Variants in TRIM13 observed in about 807,000 individuals in gnomAD.
The protein encoded by TRIM13 is tripartite motif containing 13, also known as E3 ubiquitin-protein ligase TRIM13.
In TRIM13, 15 loss-of-function variants were observed where a neutral mutation model predicts 27.1. The observed-to-expected ratio is 0.55, with a 90% CI of 0.37 to 0.85. The LOEUF is 0.85. Among genes scored for constraint, TRIM13 ranks in the 40% least tolerant of loss-of-function variants. The pLI is 0.00. For synonymous variants in TRIM13, 193 were observed against 171.5 expected, an observed-to-expected ratio of 1.13 and a Z score of -0.98; for missense variants, 402 against 472.2, an observed-to-expected ratio of 0.85 and a Z score of 1.38.
chr13:50,001,293 A>AAG (rs1426320210), intron 1 of TRIM13, among the ~76,000 whole-genome samples: 1 of 148,212 alleles, frequency 6.7e-6, no homozygotes, highest in Non-Finnish European at 1.5e-5. Flanking sequence ...CTCTGTCCCA[A>AAG]AAAAAAAAAA....
rs1876234535 is a variant in TRIM13, at chr13:50,015,085, AAAAAAAAAAATATATATAT to A, written c.*1923_*1941del. 1 of 59,616 alleles carries A rather than the reference AAAAAAAAAAATATATATAT, an allele frequency of 1.7e-5. No individual in the cohort carries two copies. The highest frequency in any genetic ancestry group is 4.1e-4 in the East Asian group (1 of 2,454). 3.7% of individuals were successfully genotyped at this position (59,616 alleles called of 1,614,324 possible). ...TTCCCCTCCCAGTAATAAAAAAAAA[AAAAAAAAAAATATATATAT>A]ATATATATATATATATATATATATA... On this transcript the variant is annotated 3_prime_UTR_variant, in exon 2 of 2. Coordinates refer to ENST00000378182, the MANE Select transcript of TRIM13 (RefSeq NM_213590.3).
chr13:50,008,952 C>T (rs1328524359), intron 1 of TRIM13, among the ~76,000 whole-genome samples: 1 of 137,864 alleles, frequency 7.3e-6, no homozygotes. Context: ...GGCTTGAGTC[C>T]AAGAGGCAGA....
At position 50,015,217 on chromosome 13, in the gene TRIM13, A is replaced by G. The variant is rs1052766858; in HGVS notation, c.*2053A>G. Reference sequence around the variant, plus strand: ...CAGGAAAGGGATCTATTTGATGTCTATCTTCAGATATATTGGCAGTTTTCC... The same window carrying G: ...CAGGAAAGGGATCTATTTGATGTCTGTCTTCAGATATATTGGCAGTTTTCC... On this transcript the variant is annotated 3_prime_UTR_variant, in exon 2 of 2. Transcript: ENST00000378182. 13 of 223,168 alleles carry G rather than the reference A, an allele frequency of 5.8e-5. No homozygotes were observed. Among genetic ancestry groups the G allele is most frequent in the East Asian group, 5.5e-4 (5 of 9,054 alleles). 13.8% of individuals were successfully genotyped at this position (223,168 alleles called of 1,614,324 possible). A position where few individuals can be genotyped will look rare whatever the true frequency, so the allele number is the denominator to read the frequency against.
At chr13:50,005,593 T>G (rs1280156951) in intron 1 of TRIM13, among the ~76,000 whole-genome samples, 1 of 151,314 alleles carries the variant, frequency 6.6e-6, no homozygotes, top group African/African-American at 2.4e-5. Context: ...GAGAATCACT[T>G]GAACCCAGGA....
chr13:50,007,964 G>T (rs1019592328), intron 1 of TRIM13, among the ~76,000 whole-genome samples: 2 of 151,634 alleles, frequency 1.3e-5, no homozygotes, highest in Non-Finnish European at 2.9e-5. Flanking sequence ...GAGTGCAGTG[G>T]CGCTGTCTCG....
chr13:49,998,767 A>C, intron 1 of TRIM13, among the ~76,000 whole-genome samples: 1 of 151,954 alleles, frequency 6.6e-6, no homozygotes, highest in Non-Finnish European at 1.5e-5. Flanking sequence ...CATCTTTACT[A>C]ACAATACAAA....
At chr13:50,003,870 T>A (rs1489501458) in intron 1 of TRIM13, among the ~76,000 whole-genome samples, 1 of 152,222 alleles carries the variant, frequency 6.6e-6, no homozygotes, top group Non-Finnish European at 1.5e-5. Flanking sequence ...AACATCAATA[T>A]GGCAGGAGAA....
Position 50,017,378 on chromosome 13 carries a change from AG to A in TRIM13, c.*4215del. The A allele has an allele frequency of 6.0e-6, 1 of 167,218 alleles. No individual in the cohort carries two copies. Among genetic ancestry groups the A allele is most frequent in the African/African-American group, 2.4e-5 (1 of 41,582 alleles). The allele number at this position is 167,218 out of a possible 1,614,324, so 10.4% of individuals were successfully genotyped here. On this transcript the variant is annotated 3_prime_UTR_variant, in exon 2 of 2. Coordinates refer to ENST00000378182, the MANE Select transcript of TRIM13 (RefSeq NM_213590.3). ...CTTTAAAAACCATGCATTTGGAGAA[AG>A]TAATTGTTTCCTTGAAAAACATGAT...
rs888304393 is a variant in TRIM13 at position 50,014,578 on chromosome 13, C to G, written c.*1414C>G. ...CTAATTTGACAACAGATAAAACAGT[C>G]TGTCAGCTATTACAAAGTAATCAGC... On this transcript the variant is annotated 3_prime_UTR_variant, in exon 2 of 2. Coordinates refer to ENST00000378182, the MANE Select transcript of TRIM13 (RefSeq NM_213590.3). 6.0e-6 allele frequency: 1 copy of G among 166,610 alleles called. No homozygotes were observed. The highest frequency in any genetic ancestry group is 6.6e-5 in the Admixed American group (1 of 15,192). 10.3% of individuals were successfully genotyped at this position (166,610 alleles called of 1,614,324 possible). A position where few individuals can be genotyped will look rare whatever the true frequency, so the allele number is the denominator to read the frequency against.
At chr13:50,001,845 A>G (rs1408987698) in intron 1 of TRIM13, among the ~76,000 whole-genome samples, 1 of 152,202 alleles carries the variant, frequency 6.6e-6, no homozygotes, top group Non-Finnish European at 1.5e-5. Context: ...TGTTTTGATC[A>G]TATAAGTCAC....
chr13:50,018,434 T>C lies in TRIM13; in HGVS notation c.*5270T>C, dbSNP rs184034694. Reference sequence around the variant, plus strand: ...TGATTTGCTAATATTGAGAATCTGTTGTATCAAACATAATAAACTTTTTTT... The same window carrying C: ...TGATTTGCTAATATTGAGAATCTGTCGTATCAAACATAATAAACTTTTTTT... On this transcript the variant is annotated 3_prime_UTR_variant, in exon 2 of 2. Coordinates refer to ENST00000378182, the MANE Select transcript of TRIM13 (RefSeq NM_213590.3). The C allele has an allele frequency of 3.4e-3, 572 of 166,546 alleles. 5 individuals carry two copies. Among genetic ancestry groups the C allele is most frequent in the Non-Finnish European group, 4.1e-3 (278 of 68,102 alleles). The allele number at this position is 166,546 out of a possible 1,614,324, so 10.3% of individuals were successfully genotyped here.
chr13:50,009,165 T>G (rs1875223958), intron 1 of TRIM13, among the ~76,000 whole-genome samples: 1 of 152,084 alleles, frequency 6.6e-6, no homozygotes, highest in Non-Finnish European at 1.5e-5. Context: ...AACAAATAAT[T>G]TAGGAAAATA....
chr13:50,012,884 A>ATAAG lies in TRIM13; in HGVS notation c.946_949dup (p.Leu317Ter). ...ATTAGCAAGATTCCCTGGAGCTTTTATAAGTTATTTTTGCTAATCCTTCTG... is the reference window on the plus strand; with the variant it reads ...ATTAGCAAGATTCCCTGGAGCTTTTATAAGTAAGTTATTTTTGCTAATCCTTCTG... On this transcript the variant is annotated frameshift_variant, in exon 2 of 2. Transcript: ENST00000378182. LOFTEE classifies it high-confidence loss of function. 6.2e-7 allele frequency: 1 copy of ATAAG among 1,614,070 alleles called. No homozygotes were observed. The highest frequency in any genetic ancestry group is 8.5e-7 in the Non-Finnish European group (1 of 1,180,024).
At position 50,016,070 on chromosome 13, in the gene TRIM13, A is replaced by G; in HGVS notation, c.*2906A>G. The G allele has an allele frequency of 6.2e-7, 1 of 1,610,756 alleles. No homozygotes were observed. ...CACTACTGATAACCAAACTGGAGTCAGGTATTTTGTACTTTGCAGTATTTC... is the reference window on the plus strand; with the variant it reads ...CACTACTGATAACCAAACTGGAGTCGGGTATTTTGTACTTTGCAGTATTTC... On this transcript the variant is annotated 3_prime_UTR_variant, in exon 2 of 2. Transcript: ENST00000378182.
intron 1 of TRIM13, 59 bp from the exon 2 acceptor site, chr13:50,011,876 T>C: frequency 6.7e-7 from 1 of 1,491,766 alleles, no homozygotes; most frequent in Non-Finnish European, 9.0e-7. Context: ...CTTCTAATTA[T>C]TACATAGTCC....
Position 50,015,871 on chromosome 13 carries a change from T to G in TRIM13, c.*2707T>G, listed in dbSNP as rs781761422. 4.3e-6 allele frequency: 7 copies of G among 1,614,140 alleles called. No individual in the cohort carries two copies. The highest frequency in any genetic ancestry group is 5.9e-6 in the Non-Finnish European group (7 of 1,179,986). ...ACACTCAAGCTTTTTTCAGGGTGTTTGGCTCTTGCAGCAAAACAATTGAGA... is the reference window on the plus strand; with the variant it reads ...ACACTCAAGCTTTTTTCAGGGTGTTGGGCTCTTGCAGCAAAACAATTGAGA... On this transcript the variant is annotated 3_prime_UTR_variant, in exon 2 of 2. Transcript: ENST00000378182.
intron 1 of TRIM13, among the ~76,000 whole-genome samples, chr13:50,009,463 G>A (rs1006141757): frequency 8.5e-5 from 13 of 152,112 alleles, no homozygotes; most frequent in Admixed American, 2.0e-4. Flanking sequence ...ACGGCCAGGC[G>A]CGGTGGCTCA....
chr13:50,007,295 C>T (rs1874856881), intron 1 of TRIM13, among the ~76,000 whole-genome samples: 1 of 151,178 alleles, frequency 6.6e-6, no homozygotes, highest in Non-Finnish European at 1.5e-5. Flanking sequence ...TCAAGACCAG[C>T]CTGTCCAAGA....
chr13:49,998,574 A>G (rs1873564001), intron 1 of TRIM13, among the ~76,000 whole-genome samples: 1 of 152,064 alleles, frequency 6.6e-6, no homozygotes. Context: ...AGTTTATGGA[A>G]TTCTCACACA....
Sources: allele counts gnomAD v4.1 joint callset (sites outside exome capture counted in the v4.1 genomes callset), GRCh38; gene constraint gnomAD v4.1.1; transcripts MANE v1.5; gene names NCBI Gene and HGNC (gene_info 2026-07-23, HGNC 2026-07-21).